Variants in BNC2 observed in about 807,000 individuals in gnomAD.
BNC2 encodes basonuclin zinc finger protein 2, also known as zinc finger protein basonuclin-2.
A neutral mutation model predicts 76.3 loss-of-function variants in BNC2; 20 were observed. That is an observed-to-expected ratio of 0.26 (90% CI 0.18 to 0.38). The LOEUF (loss-of-function observed/expected upper bound fraction) is 0.38. BNC2 is among the 10% of genes least tolerant of loss of function. The pLI is 1.00. For synonymous variants in BNC2, 582 were observed against 514.8 expected, an observed-to-expected ratio of 1.13 and a Z score of -1.77; for missense variants, 1,382 against 1,399.8, an observed-to-expected ratio of 0.99 and a Z score of 0.20.
At chr9:16,775,048 A>C (rs1471314791) in intron 1 of BNC2, among the ~76,000 whole-genome samples, 4 of 152,210 alleles carry the variant, frequency 2.6e-5, no homozygotes, top group African/African-American at 9.6e-5. Flanking sequence ...CCTTTAGAAC[A>C]GTTGTTTTCA....
intron 3 of BNC2, among the ~76,000 whole-genome samples, chr9:16,691,369 G>A (rs1387615723): frequency 6.6e-6 from 1 of 152,164 alleles, no homozygotes; most frequent in Non-Finnish European, 1.5e-5. Context: ...GACTTCGCTA[G>A]TGCTTTACTC....
chr9:16,794,280 T>G (rs1295613435), intron 1 of BNC2, among the ~76,000 whole-genome samples: 1 of 152,192 alleles, frequency 6.6e-6, no homozygotes, highest in Admixed American at 6.5e-5. Flanking sequence ...TACAAAGTAT[T>G]GGTCAGAACT....
At chr9:16,556,974 G>A (rs1818853658) in intron 4 of BNC2, among the ~76,000 whole-genome samples, 1 of 152,006 alleles carries the variant, frequency 6.6e-6, no homozygotes, top group South Asian at 2.1e-4. Flanking sequence ...CATAAAATCT[G>A]TAAGCTGAGA....
intron 3 of BNC2, among the ~76,000 whole-genome samples, chr9:16,611,622 TA>T (rs1446510721): frequency 6.6e-6 from 1 of 151,456 alleles, no homozygotes; most frequent in African/African-American, 2.4e-5. Flanking sequence ...AAATTCAAGG[TA>T]AAAAAAAGGT....
intron 1 of BNC2, among the ~76,000 whole-genome samples, chr9:16,840,019 G>T (rs549521147): frequency 4.9e-4 from 74 of 152,316 alleles, no homozygotes; most frequent in African/African-American, 1.7e-3. Context: ...ATTGATAAGA[G>T]TTGAAACCTG....
At chr9:16,655,199 A>G (rs1054082869) in intron 3 of BNC2, among the ~76,000 whole-genome samples, 2 of 152,050 alleles carry the variant, frequency 1.3e-5, no homozygotes, top group Admixed American at 1.3e-4. Flanking sequence ...AATCATTACG[A>G]TACAGCATAA....
At chr9:16,480,255 C>G (rs1425709990) in intron 5 of BNC2, among the ~76,000 whole-genome samples, 1 of 152,244 alleles carries the variant, frequency 6.6e-6, no homozygotes. Context: ...GTACACTGCA[C>G]AGCCTCTCTA....
chr9:16,824,391 T>C (rs1818405979), intron 1 of BNC2, among the ~76,000 whole-genome samples: 1 of 152,188 alleles, frequency 6.6e-6, no homozygotes. Flanking sequence ...AGCTTGTTTG[T>C]ATGCCTTCTT....
intron 3 of BNC2, among the ~76,000 whole-genome samples, chr9:16,607,482 GA>G (rs1343516219): frequency 6.6e-6 from 1 of 152,052 alleles, no homozygotes; most frequent in Non-Finnish European, 1.5e-5. Flanking sequence ...ACGTCTAAAG[GA>G]AAGAGTTTTG....
intron 4 of BNC2, among the ~76,000 whole-genome samples, chr9:16,579,392 C>T (rs1383821276): frequency 6.6e-6 from 1 of 152,012 alleles, no homozygotes; most frequent in Non-Finnish European, 1.5e-5. Flanking sequence ...AATCAAACCT[C>T]CCACCCCAGC....
At chr9:16,424,252 G>C (rs940305039) in intron 6 of BNC2, among the ~76,000 whole-genome samples, 1 of 150,940 alleles carries the variant, frequency 6.6e-6, no homozygotes, top group African/African-American at 2.4e-5. Context: ...AAGATATCGG[G>C]GAGACACGAA....
rs558194002 is a variant in BNC2, at chr9:16,857,145, C to T, written c.3+13501G>A. 2.2e-4 allele frequency among the ~76,000 whole-genome samples: 34 copies of T among 152,172 alleles called. 1 individual carries two copies. The South Asian group carries it at 6.0e-3, about 27-fold the overall frequency. On this transcript the variant is annotated intron_variant, in intron 1 of 6. Transcript: ENST00000380672. ...TAAATGTATATGTAACCAAAATTTA[C>T]GTCTGGTAAACATAAAATTTTTACT...
chr9:16,485,441 G>A (rs980773203), intron 5 of BNC2, among the ~76,000 whole-genome samples: 1 of 152,072 alleles, frequency 6.6e-6, no homozygotes, highest in African/African-American at 2.4e-5. Flanking sequence ...TGGTTTTAGA[G>A]GCCAAATCCA....
intron 3 of BNC2, among the ~76,000 whole-genome samples, chr9:16,654,780 T>A (rs1160015177): frequency 6.6e-6 from 1 of 152,134 alleles, no homozygotes; most frequent in Non-Finnish European, 1.5e-5. Flanking sequence ...GACAGTGTAT[T>A]CTGTTCTAAA....
At chr9:16,673,439 AAAAAACAC>A (rs1227250346) in intron 3 of BNC2, among the ~76,000 whole-genome samples, 3 of 144,930 alleles carry the variant, frequency 2.1e-5, no homozygotes, top group African/African-American at 7.9e-5. Context: ...TTAAAAAAAA[AAAAAACAC>A]ACACACACAC....
chr9:16,513,541 G>A (rs565111067), intron 5 of BNC2, among the ~76,000 whole-genome samples: 23 of 152,110 alleles, frequency 1.5e-4, no homozygotes, highest in African/African-American at 5.1e-4. Context: ...TCCTGACCTC[G>A]TGATCCTCCC....
chr9:16,515,634 GA>G (rs1007164323), intron 5 of BNC2, among the ~76,000 whole-genome samples: 3 of 147,914 alleles, frequency 2.0e-5, no homozygotes, highest in Non-Finnish European at 4.5e-5. Flanking sequence ...TGATGTGGTC[GA>G]AAAAAAATCA....
chr9:16,738,307 AGAAT>A, intron 2 of BNC2, 49 bp downstream of exon 2: 1 of 1,585,288 alleles, frequency 6.3e-7, no homozygotes, highest in Non-Finnish European at 8.6e-7. Context: ...AGGTAATCAA[AGAAT>A]GCAAGTGTGT....
intron 6 of BNC2, among the ~76,000 whole-genome samples, chr9:16,432,753 A>G (rs1468867648): frequency 6.6e-6 from 1 of 152,226 alleles, no homozygotes; most frequent in Non-Finnish European, 1.5e-5. Flanking sequence ...TGAGGACAGC[A>G]GGATTAAAGA....
Sources: allele counts gnomAD v4.1 joint callset (sites outside exome capture counted in the v4.1 genomes callset), GRCh38; gene constraint gnomAD v4.1.1; transcripts MANE v1.5; gene names NCBI Gene and HGNC (gene_info 2026-07-23, HGNC 2026-07-21).